Variants in ANKHD1 observed in about 807,000 individuals in gnomAD.
ANKHD1 encodes the protein ankyrin repeat and KH domain-containing protein 1.
In ANKHD1, 31 loss-of-function variants were observed where a neutral mutation model predicts 230.5. The observed-to-expected ratio is 0.13, with a 90% CI of 0.10 to 0.18. The LOEUF (loss-of-function observed/expected upper bound fraction) is 0.18. ANKHD1 is among the 10% of genes least tolerant of loss of function. The probability of loss-of-function intolerance (pLI) is 1.00; values close to 1 mark genes in which losing one functional copy is unlikely to be tolerated. For missense variants in ANKHD1, 2,256 were observed against 3,071.3 expected (o/e 0.73, Z 6.27); for synonymous variants, 1,074 against 1,117.6 (o/e 0.96, Z 0.78).
intron 1 of ANKHD1, among the ~76,000 whole-genome samples, chr5:140,409,974 A>G (rs541902255): frequency 5.3e-5 from 8 of 152,282 alleles, no homozygotes; most frequent in African/African-American, 1.9e-4. Flanking sequence ...GGGTTGATGC[A>G]GAGTTGATTA....
chr5:140,428,098 C>T (rs1772687513), intron 1 of ANKHD1, among the ~76,000 whole-genome samples: 1 of 151,058 alleles, frequency 6.6e-6, no homozygotes, highest in Non-Finnish European at 1.5e-5. Context: ...AAGAGGTGCT[C>T]CTCACTTCCT....
At chr5:140,421,458 AC>A (rs924599204) in intron 1 of ANKHD1, among the ~76,000 whole-genome samples, 1 of 151,226 alleles carries the variant, frequency 6.6e-6, no homozygotes, top group African/African-American at 2.4e-5. Context: ...CGGCCACCAC[AC>A]CCAGCTAATT....
intron 24 of ANKHD1, among the ~76,000 whole-genome samples, chr5:140,521,033 T>C (rs1035683334): frequency 1.3e-5 from 2 of 152,124 alleles, no homozygotes; most frequent in African/African-American, 4.8e-5. Flanking sequence ...TCAGTCTGCT[T>C]ACCTGGAAAA....
Position 140,504,855 on chromosome 5 carries a change from T to C in ANKHD1, c.3039T>C (p.Ser1013=). The C allele has an allele frequency of 6.2e-7, 1 of 1,614,042 alleles. No individual in the cohort carries two copies. Among genetic ancestry groups the C allele is most frequent in the Non-Finnish European group, 8.5e-7 (1 of 1,180,006 alleles). ...CCAGAGTGCCCACTGGTTCCAACAGTTCTTCTCAGACCACAGAGTGTCTTA... is the reference window on the plus strand; with the variant it reads ...CCAGAGTGCCCACTGGTTCCAACAGCTCTTCTCAGACCACAGAGTGTCTTA... ...VSTRVPTGSN[S]SSQTTECLTP... Residue 1013 remains serine (S), a synonymous_variant, in exon 16 of 34, where the codon AGT becomes AGC. Transcript: ENST00000360839.
intron 10 of ANKHD1, among the ~76,000 whole-genome samples, chr5:140,472,082 C>T (rs1012570867): frequency 1.3e-5 from 2 of 152,142 alleles, no homozygotes; most frequent in Admixed American, 6.6e-5. Context: ...ATACTCTGCT[C>T]ATGACATTAC....
intron 29 of ANKHD1, among the ~76,000 whole-genome samples, chr5:140,535,047 C>T (rs1008625213): frequency 1.3e-5 from 2 of 152,170 alleles, no homozygotes; most frequent in African/African-American, 4.8e-5. Flanking sequence ...TTTCATATCC[C>T]CTCCAGTTAA....
chr5:140,434,035 T>G (rs1337566642), intron 1 of ANKHD1, among the ~76,000 whole-genome samples: 1 of 152,178 alleles, frequency 6.6e-6, no homozygotes, highest in Non-Finnish European at 1.5e-5. Context: ...CTCAATGTTT[T>G]TAGGTCTGAA....
At chr5:140,437,396 A>G (rs1380343998) in intron 2 of ANKHD1, among the ~76,000 whole-genome samples, 2 of 152,202 alleles carry the variant, frequency 1.3e-5, no homozygotes, top group Non-Finnish European at 2.9e-5. Flanking sequence ...GTAAGAATAC[A>G]TTTGCATTTA....
At chr5:140,482,450 G>T in intron 10 of ANKHD1, 130 bp from the exon 11 acceptor site, 1 of 933,778 alleles carries the variant, frequency 1.1e-6, no homozygotes. Context: ...AATTGAGGTA[G>T]GTGGTATAAA....
At chr5:140,503,008 G>A (rs1752371386) in intron 15 of ANKHD1, among the ~76,000 whole-genome samples, 1 of 151,978 alleles carries the variant, frequency 6.6e-6, no homozygotes. Context: ...AATATATCTG[G>A]GCATCTTAAA....
intron 1 of ANKHD1, among the ~76,000 whole-genome samples, chr5:140,419,686 T>G (rs964483179): frequency 6.6e-6 from 1 of 151,620 alleles, no homozygotes; most frequent in African/African-American, 2.4e-5. Flanking sequence ...TCTTGAGGTC[T>G]TGAACTCCTA....
chr5:140,529,016 G>T lies in ANKHD1; in HGVS notation c.6070G>T (p.Val2024Leu), dbSNP rs146151072. ...SSQKMESFSA[V>L]PPTKEKVSTQ... ...ACAAAAGATGGAGTCTTTCTCTGCTGTGCCACCCACCAAAGAGAAAGTGTC... is the reference window on the plus strand; with the variant it reads ...ACAAAAGATGGAGTCTTTCTCTGCTTTGCCACCCACCAAAGAGAAAGTGTC... Residue 2024 changes from valine (V) to leucine (L), a missense_variant, in exon 29 of 34, where the codon GTG becomes TTG. Around this residue, in one of 13 missense-constraint regions of ANKHD1, gnomAD observed 778 missense variants for 966.5 expected, o/e 0.80. Transcript: ENST00000360839. The T allele has an allele frequency of 6.2e-7, 1 of 1,614,086 alleles. No homozygotes were observed. Among genetic ancestry groups the T allele is most frequent in the South Asian group, 1.1e-5 (1 of 91,082 alleles).
Position 140,507,969 on chromosome 5 carries a change from C to G in ANKHD1, c.3736C>G (p.Arg1246Gly), listed in dbSNP as rs1752606555. 1.2e-6 allele frequency: 2 copies of G among 1,613,676 alleles called. No individual in the cohort carries two copies. Among genetic ancestry groups the G allele is most frequent in the Non-Finnish European group, 1.7e-6 (2 of 1,179,836 alleles). ...AGAAGTAGTGAGTTTGCTTCTGGAC[C>G]GAAAAGCCAATGTTGAACATAGGGC... is the stretch of plus-strand genomic sequence containing the variant. Reference protein sequence around the residue: ...RAEVVSLLLDRKANVEHRAKT... With the variant: ...RAEVVSLLLDGKANVEHRAKT... Residue 1246 changes from arginine to glycine, a missense_variant, in exon 20 of 34, where the codon CGA becomes GGA. Arg to Gly is a moderately radical substitution (Grantham distance 125). Around this residue, in one of 13 missense-constraint regions of ANKHD1, gnomAD observed 195 missense variants for 340.3 expected, o/e 0.57. Transcript: ENST00000360839. This position sits in a 1 kb window ranked among gnomAD's most constrained non-coding sequence, Gnocchi z 4.1.
chr5:140,513,226 G>T, intron 23 of ANKHD1, 137 bp from the exon 24 acceptor site: 1 of 834,776 alleles, frequency 1.2e-6, no homozygotes, highest in Non-Finnish European at 1.8e-6. Context: ...TGAAAGATTG[G>T]ACTCAAAGGA....
chr5:140,513,149 C>T (rs746932375), intron 23 of ANKHD1, among the ~76,000 whole-genome samples: 5 of 152,144 alleles, frequency 3.3e-5, no homozygotes, highest in Non-Finnish European at 7.3e-5. Context: ...AGGTACTAAA[C>T]CATTAGCCTA....
intron 7 of ANKHD1, among the ~76,000 whole-genome samples, chr5:140,455,291 A>G (rs949730332): frequency 1.3e-5 from 2 of 152,202 alleles, no homozygotes; most frequent in South Asian, 2.1e-4. Context: ...AGGTACAAGG[A>G]GGAGTTGGTA....
At chr5:140,430,431 T>C (rs1392136816) in intron 1 of ANKHD1, among the ~76,000 whole-genome samples, 1 of 152,202 alleles carries the variant, frequency 6.6e-6, no homozygotes, top group African/African-American at 2.4e-5. Context: ...ATAAGAACAT[T>C]GCTGTGATGT....
At chr5:140,435,499 T>G (rs1159738206) in intron 1 of ANKHD1, among the ~76,000 whole-genome samples, 1 of 151,736 alleles carries the variant, frequency 6.6e-6, no homozygotes, top group Non-Finnish European at 1.5e-5. Context: ...TGCCTCAGTC[T>G]CCTGAGTAGC....
At chr5:140,475,809 A>G (rs1750934814) in intron 10 of ANKHD1, among the ~76,000 whole-genome samples, 1 of 152,210 alleles carries the variant, frequency 6.6e-6, no homozygotes, top group Non-Finnish European at 1.5e-5. Context: ...TGGAAAAGAA[A>G]CTAAAACAAA....
Sources: allele counts gnomAD v4.1 joint callset (sites outside exome capture counted in the v4.1 genomes callset), GRCh38; gene constraint gnomAD v4.1.1; regional missense constraint gnomAD v4.1.1; non-coding constraint Gnocchi (gnomAD v3.1); transcripts MANE v1.5; gene names NCBI Gene and HGNC (gene_info 2026-07-23, HGNC 2026-07-21).